KCNIP4: variants seen among roughly 807,000 people sequenced by gnomAD.
The protein encoded by KCNIP4 is Kv channel-interacting protein 4.
Under a neutral mutation model 34.0 loss-of-function variants are expected in KCNIP4, and 12 were observed. The ratio of observed to expected loss-of-function variants is 0.35; its 90% CI spans 0.23 to 0.57. KCNIP4 has a LOEUF of 0.57. KCNIP4 is among the 20% of genes least tolerant of loss of function. The pLI is 0.83. For missense variants in KCNIP4, 238 were observed against 311.7 expected (o/e 0.76, Z 1.78); for synonymous variants, 124 against 102.2 (o/e 1.21, Z -1.29).
chr4:21,945,373 C>T (rs1455667965), intron 1 of KCNIP4, among the ~76,000 whole-genome samples: 1 of 152,128 alleles, frequency 6.6e-6, no homozygotes, highest in African/African-American at 2.4e-5. Context: ...ACACCTCTTA[C>T]ATTTATATGA....
At chr4:21,744,469 C>G (rs1440476702) in intron 1 of KCNIP4, among the ~76,000 whole-genome samples, 2 of 152,170 alleles carry the variant, frequency 1.3e-5, no homozygotes, top group East Asian at 1.9e-4. Context: ...TTATTTCAAC[C>G]ATTTTAAAGA....
chr4:21,056,536 TATTCATTCATGC>T (rs1399004807), intron 1 of KCNIP4, among the ~76,000 whole-genome samples: 1 of 152,164 alleles, frequency 6.6e-6, no homozygotes, highest in African/African-American at 2.4e-5. Context: ...TTCCCTTCAT[TATTCATTCATGC>T]ATTCATTCAT....
intron 1 of KCNIP4, among the ~76,000 whole-genome samples, chr4:21,832,515 G>A (rs942166962): frequency 6.6e-6 from 1 of 152,074 alleles, no homozygotes; most frequent in Non-Finnish European, 1.5e-5. Context: ...GAAATCATCA[G>A]TTTGAAACCC....
At chr4:20,811,808 C>T (rs757420328) in intron 3 of KCNIP4, among the ~76,000 whole-genome samples, 8 of 152,086 alleles carry the variant, frequency 5.3e-5, no homozygotes, top group Non-Finnish European at 7.3e-5. Context: ...AGACATGGTT[C>T]CTTTCATGAA....
chr4:21,399,509 A>G (rs10034011), intron 1 of KCNIP4, among the ~76,000 whole-genome samples: 26,946 of 152,142 alleles, frequency 0.18, 4,471 homozygotes, highest in African/African-American at 0.42. Flanking sequence ...GGGCCTCTCA[A>G]TTATTTGGGC....
intron 1 of KCNIP4, among the ~76,000 whole-genome samples, chr4:21,911,604 T>TCACACACACACA (rs149500330): frequency 7.7e-6 from 1 of 129,938 alleles, no homozygotes; most frequent in African/African-American, 3.0e-5. Flanking sequence ...GAATTGATAT[T>TCACACACACACA]CACACACACA....
intron 1 of KCNIP4, among the ~76,000 whole-genome samples, chr4:21,119,974 T>A (rs1339869818): frequency 6.6e-6 from 1 of 151,990 alleles, no homozygotes; most frequent in Non-Finnish European, 1.5e-5. Flanking sequence ...AACGGGAAGG[T>A]GTTGAGCAGG....
At chr4:21,553,889 A>G (rs1271067362) in intron 1 of KCNIP4, among the ~76,000 whole-genome samples, 1 of 152,048 alleles carries the variant, frequency 6.6e-6, no homozygotes, top group African/African-American at 2.4e-5. Context: ...CCTTACCTTA[A>G]TTATACCTAA....
chr4:21,216,214 A>G (rs1178007550), intron 1 of KCNIP4, among the ~76,000 whole-genome samples: 1 of 152,218 alleles, frequency 6.6e-6, no homozygotes, highest in East Asian at 1.9e-4. Flanking sequence ...AGATAACTCC[A>G]TGGATATTTC....
intron 2 of KCNIP4, among the ~76,000 whole-genome samples, chr4:20,854,615 C>A (rs764406489): frequency 1.3e-5 from 2 of 152,118 alleles, no homozygotes; most frequent in Non-Finnish European, 2.9e-5. Context: ...CAAATACCAC[C>A]TGTACCCCAA....
intron 3 of KCNIP4, among the ~76,000 whole-genome samples, chr4:20,771,637 T>A (rs1347981849): frequency 6.6e-6 from 1 of 152,052 alleles, no homozygotes. Context: ...CAAAGACACT[T>A]TGAGAAAGCA....
chr4:21,729,168 T>A (rs1438230157), intron 1 of KCNIP4, among the ~76,000 whole-genome samples: 2 of 152,156 alleles, frequency 1.3e-5, no homozygotes, highest in African/African-American at 4.8e-5. Flanking sequence ...CTGAATACAA[T>A]TTTAATGAAA....
intron 1 of KCNIP4, among the ~76,000 whole-genome samples, chr4:21,412,218 C>A (rs1273859699): frequency 6.6e-6 from 1 of 152,178 alleles, no homozygotes; most frequent in Non-Finnish European, 1.5e-5. Flanking sequence ...AACCAACAGT[C>A]ATTCTCCCCT....
At chr4:21,333,021 G>C (rs1715810395) in intron 1 of KCNIP4, among the ~76,000 whole-genome samples, 1 of 151,972 alleles carries the variant, frequency 6.6e-6, no homozygotes, top group African/African-American at 2.4e-5. Context: ...CTTTCTTCCT[G>C]AAATGCTGTT....
At chr4:21,308,435 A>G (rs767419552) in intron 1 of KCNIP4, among the ~76,000 whole-genome samples, 1 of 152,160 alleles carries the variant, frequency 6.6e-6, no homozygotes, top group Non-Finnish European at 1.5e-5. Flanking sequence ...TTACATTTCC[A>G]TCTTATGGAT....
At chr4:20,854,643 A>G (rs1721383020) in intron 2 of KCNIP4, among the ~76,000 whole-genome samples, 1 of 152,156 alleles carries the variant, frequency 6.6e-6, no homozygotes, top group Non-Finnish European at 1.5e-5. Flanking sequence ...TGAGGAAAAA[A>G]AGAATTGAAG....
At chr4:21,082,859 A>T (rs185677444) in intron 1 of KCNIP4, among the ~76,000 whole-genome samples, 1 of 124,636 alleles carries the variant, frequency 8.0e-6, no homozygotes, top group East Asian at 2.5e-4. Context: ...ATTCTGTGCC[A>T]GGTTATTCTA....
intron 3 of KCNIP4, among the ~76,000 whole-genome samples, chr4:20,810,246 C>T (rs1715555583): frequency 6.6e-6 from 1 of 152,168 alleles, no homozygotes; most frequent in Admixed American, 6.6e-5. Flanking sequence ...AAATGAGAGG[C>T]TTGGACCAGT....
rs553421233 is a variant in KCNIP4, at chr4:21,154,866, T to C, written c.62-272157A>G. ...ATGGCTGGAGCTCCAACAGCTGTGTTTGACCATGAGCTGAACTTGTGAGTA... is the reference window on the plus strand; with the variant it reads ...ATGGCTGGAGCTCCAACAGCTGTGTCTGACCATGAGCTGAACTTGTGAGTA... On this transcript the variant is annotated intron_variant, in intron 1 of 8. Transcript: ENST00000382152. 5.3e-5 allele frequency among the ~76,000 whole-genome samples: 8 copies of C among 152,292 alleles called. No homozygotes were observed. The South Asian group carries it at 1.0e-3, about 20-fold the overall frequency.
Sources: allele counts gnomAD v4.1 joint callset (sites outside exome capture counted in the v4.1 genomes callset), GRCh38; gene constraint gnomAD v4.1.1; transcripts MANE v1.5; gene names NCBI Gene and HGNC (gene_info 2026-07-23, HGNC 2026-07-21).